The following NEGR1 variants were observed in gnomAD, a reference collection of about 807,000 sequenced individuals.
NEGR1 encodes the protein neuronal growth regulator 1, also known as IgLON family member 4.
A neutral mutation model predicts 40.9 loss-of-function variants in NEGR1; 10 were observed. The observed-to-expected ratio is 0.24, with a 90% CI of 0.15 to 0.42. The LOEUF (loss-of-function observed/expected upper bound fraction) is 0.42. Among genes scored for constraint, NEGR1 ranks in the 10% least tolerant of loss-of-function variants. NEGR1 has a pLI of 1.00. For synonymous variants in NEGR1, 185 were observed against 166.8 expected, an observed-to-expected ratio of 1.11 and a Z score of -0.84; for missense variants, 352 against 438.9, an observed-to-expected ratio of 0.80 and a Z score of 1.77.
intron 6 of NEGR1, among the ~76,000 whole-genome samples, chr1:71,556,668 T>A: frequency 6.7e-6 from 1 of 149,276 alleles, no homozygotes; most frequent in Non-Finnish European, 1.5e-5. Flanking sequence ...CACACACAAG[T>A]CCATGGAGAC....
intron 1 of NEGR1, among the ~76,000 whole-genome samples, chr1:72,168,650 G>C (rs1200960693): frequency 6.6e-6 from 1 of 152,180 alleles, no homozygotes; most frequent in African/African-American, 2.4e-5. Context: ...AGCACTTTGG[G>C]AAGCCAAGGC....
chr1:72,171,481 T>C (rs958835052), intron 1 of NEGR1, among the ~76,000 whole-genome samples: 1 of 152,184 alleles, frequency 6.6e-6, no homozygotes, highest in Admixed American at 6.5e-5. Context: ...GATAGCTACA[T>C]GTTTACATAC....
At chr1:71,578,536 A>G (rs1649032816) in intron 6 of NEGR1, among the ~76,000 whole-genome samples, 1 of 152,118 alleles carries the variant, frequency 6.6e-6, no homozygotes, top group African/African-American at 2.4e-5. Flanking sequence ...AAGGTGTTAT[A>G]CATCTATATA....
At chr1:72,182,311 T>C (rs1652407724) in intron 1 of NEGR1, among the ~76,000 whole-genome samples, 1 of 151,974 alleles carries the variant, frequency 6.6e-6, no homozygotes, top group Non-Finnish European at 1.5e-5. Context: ...CTGACCAACA[T>C]GGTGAAACCC....
chr1:72,188,050 A>G (rs770387088), intron 1 of NEGR1, among the ~76,000 whole-genome samples: 1 of 151,526 alleles, frequency 6.6e-6, no homozygotes, highest in African/African-American at 2.4e-5. Context: ...GGATTAGAAT[A>G]GTTTTGGTTC....
intron 2 of NEGR1, among the ~76,000 whole-genome samples, chr1:71,830,212 T>C (rs1262732682): frequency 6.6e-6 from 1 of 150,780 alleles, no homozygotes; most frequent in African/African-American, 2.5e-5. Context: ...CTTTTATATC[T>C]GACTCATTTA....
Position 71,470,858 on chromosome 1 carries a change from C to T in NEGR1, c.941-63288G>A, listed in dbSNP as rs112014776. 7.1e-3 allele frequency among the ~76,000 whole-genome samples: 1,083 copies of T among 152,228 alleles called. 10 individuals are homozygous for T. Among genetic ancestry groups the T allele is most frequent in the Middle Eastern group, 0.038 (11 of 292 alleles). ...TTTCTTTCTAACTGATATACTTTAA[C>T]TTTCCCTCACGCTACCACTACCAAC... On this transcript the variant is annotated intron_variant, in intron 6 of 6. Transcript: ENST00000357731.
intron 1 of NEGR1, among the ~76,000 whole-genome samples, chr1:71,989,763 A>C (rs545641566): frequency 1.6e-4 from 25 of 152,342 alleles, no homozygotes; most frequent in African/African-American, 5.3e-4. Flanking sequence ...ATAAAATATG[A>C]AACAGAATAA....
At chr1:71,581,442 C>T (rs1232010364) in intron 6 of NEGR1, among the ~76,000 whole-genome samples, 3 of 152,158 alleles carry the variant, frequency 2.0e-5, no homozygotes, top group African/African-American at 7.2e-5. Flanking sequence ...AAAAGTTGCA[C>T]AGGTTATTTT....
At chr1:72,047,238 T>C (rs927213959) in intron 1 of NEGR1, among the ~76,000 whole-genome samples, 2 of 151,428 alleles carry the variant, frequency 1.3e-5, no homozygotes, top group Non-Finnish European at 3.0e-5. Flanking sequence ...TGAGATTTAA[T>C]ATTAATAAGT....
In NEGR1 at chr1:71,451,333, A is replaced by ATTTTTT. The variant is rs35201330; in HGVS notation, c.941-43769_941-43764dup. Among the ~76,000 whole-genome samples the ATTTTTT allele has an allele frequency of 8.9e-3, 1,226 of 138,292 alleles. 31 individuals are homozygous for ATTTTTT. Among genetic ancestry groups the ATTTTTT allele is most frequent in the African/African-American group, 0.031 (1,152 of 36,596 alleles). 90.7% of individuals were successfully genotyped at this position (138,292 alleles called of 152,430 possible). On this transcript the variant is annotated intron_variant, in intron 6 of 6. Transcript: ENST00000357731. ...TGAGAGGCACACAGTAGTGCTACAGATTTTTTTTTTTTTTTTTGAGTCAAA... is the reference window on the plus strand; with the variant it reads ...TGAGAGGCACACAGTAGTGCTACAGATTTTTTTTTTTTTTTTTTTTTTTGAGTCAAA...
chr1:71,592,237 C>T (rs1182927072), intron 6 of NEGR1, among the ~76,000 whole-genome samples: 1 of 151,714 alleles, frequency 6.6e-6, no homozygotes, highest in Non-Finnish European at 1.5e-5. Flanking sequence ...AATTTTTAGT[C>T]CTTAGGAAGT....
At chr1:72,159,408 A>G (rs1651475386) in intron 1 of NEGR1, among the ~76,000 whole-genome samples, 1 of 152,222 alleles carries the variant, frequency 6.6e-6, no homozygotes, top group East Asian at 1.9e-4. Flanking sequence ...TAGGTACAAC[A>G]TTGGATTCAC....
chr1:71,548,142 C>T (rs1055244933), intron 6 of NEGR1, among the ~76,000 whole-genome samples: 4 of 151,826 alleles, frequency 2.6e-5, no homozygotes, highest in East Asian at 3.9e-4. Context: ...CTTGGTAAGC[C>T]ACCGCTGGAA....
intron 1 of NEGR1, among the ~76,000 whole-genome samples, chr1:71,954,303 AGG>A (rs1269579729): frequency 6.6e-6 from 1 of 152,000 alleles, no homozygotes; most frequent in Non-Finnish European, 1.5e-5. Flanking sequence ...ATTCGCTTGG[AGG>A]TAAATGATAG....
intron 1 of NEGR1, among the ~76,000 whole-genome samples, chr1:72,047,542 A>G (rs1055324054): frequency 1.3e-5 from 2 of 151,412 alleles, no homozygotes; most frequent in Non-Finnish European, 3.0e-5. Context: ...ATAAATTATA[A>G]GTAATCCACT....
At chr1:71,536,110 C>G (rs375508659) in intron 6 of NEGR1, among the ~76,000 whole-genome samples, 4 of 150,996 alleles carry the variant, frequency 2.6e-5, no homozygotes, top group African/African-American at 9.8e-5. Flanking sequence ...CAAGTAGAAG[C>G]AAAGAAGAAT....
chr1:71,773,706 A>G (rs1656406772), intron 3 of NEGR1, among the ~76,000 whole-genome samples: 2 of 152,162 alleles, frequency 1.3e-5, no homozygotes, highest in Admixed American at 1.3e-4. Context: ...TATTCATTGG[A>G]TAATAGTTAA....
intron 1 of NEGR1, among the ~76,000 whole-genome samples, chr1:71,979,221 G>T (rs1352122945): frequency 6.6e-6 from 1 of 152,100 alleles, no homozygotes; most frequent in East Asian, 1.9e-4. Context: ...TAAAGGGTGG[G>T]AGGAAGGAGA....
Sources: gnomAD v4.1 joint callset for allele counts (sites outside exome capture counted in the v4.1 genomes callset) on GRCh38, gnomAD v4.1.1 for gene constraint, MANE v1.5 for transcripts, NCBI Gene and HGNC (gene_info 2026-07-23, HGNC 2026-07-21) for gene names.